The following FREM1 variants were observed in gnomAD, a reference collection of about 807,000 sequenced individuals.
The protein encoded by FREM1 is FRAS1 related extracellular matrix 1, also known as FRAS1-related extracellular matrix protein 1.
A neutral mutation model predicts 210.1 loss-of-function variants in FREM1; 220 were observed. The ratio of observed to expected loss-of-function variants is 1.05; its 90% CI spans 0.94 to 1.17. FREM1 has a LOEUF of 1.17. Among genes scored for constraint, FREM1 ranks in the 50% most tolerant of loss-of-function variants. The probability of loss-of-function intolerance (pLI) is 0.00; values close to 1 mark genes in which losing one functional copy is unlikely to be tolerated. For missense variants in FREM1, 3,454 were observed against 2,675.5 expected, an observed-to-expected ratio of 1.29 and a Z score of -6.42; for synonymous variants, 1,189 against 980.2, an observed-to-expected ratio of 1.21 and a Z score of -3.98.
chr9:14,795,444 A>C (rs1380949831), intron 21 of FREM1, among the ~76,000 whole-genome samples: 1 of 152,228 alleles, frequency 6.6e-6, no homozygotes, highest in Admixed American at 6.5e-5. Flanking sequence ...GGAGAGACTG[A>C]AGATACTGGA....
Position 14,812,956 on chromosome 9 carries a change from T to C in FREM1, c.2749A>G (p.Thr917Ala), listed in dbSNP as rs1245321625. The C allele has an allele frequency of 1.2e-6, 2 of 1,613,804 alleles. No individual in the cohort carries two copies. Among genetic ancestry groups the C allele is most frequent in the Middle Eastern group, 1.6e-4 (1 of 6,084 alleles). Residue 917 changes from threonine (T) to alanine (A), a missense_variant, in exon 16 of 37, where the codon ACT becomes GCT. By Grantham distance (58) the Thr-to-Ala change is moderately conservative. Coordinates refer to ENST00000380880, the MANE Select transcript of FREM1 (RefSeq NM_001379081.2). ...TTCAAGTTATCGCTGTCCACATCAG[T>C]AGCAAAAATGTATTCAGAGGTGATG... ...VVITSEYIFATDVDSDNLKLM... is the reference protein window; with the variant it reads ...VVITSEYIFAADVDSDNLKLM...
At chr9:14,842,816 G>T (rs1345491084) in intron 8 of FREM1, among the ~76,000 whole-genome samples, 156 bp from the exon 9 acceptor site, 2 of 152,190 alleles carry the variant, frequency 1.3e-5, no homozygotes, top group Non-Finnish European at 2.9e-5. Flanking sequence ...GGTTCTGGGA[G>T]AACATATCTA....
chr9:14,835,795 A>T (rs1824457735), intron 10 of FREM1, among the ~76,000 whole-genome samples: 1 of 152,248 alleles, frequency 6.6e-6, no homozygotes, highest in African/African-American at 2.4e-5. Flanking sequence ...CTATAAGACT[A>T]AAGTTTACTG....
Position 14,819,393 on chromosome 9 carries a change from C to T in FREM1, c.2387G>A (p.Ser796Asn). The stretch of plus-strand genomic sequence containing the variant: ...ATCAGAAATTAGAATGTGCTCTGTG[C>T]TGATGATGCTTTGACCTCCCTCAGT... Reference protein sequence around the residue: ...KVTEGGQSIISTEHILISDAD... With the variant: ...KVTEGGQSIINTEHILISDAD... The change falls in exon 14 of 37, where the codon AGC becomes AAC. Residue 796 changes from serine to asparagine, a missense_variant. Transcript: ENST00000380880. 1.2e-6 allele frequency: 2 copies of T among 1,613,538 alleles called. No individual in the cohort carries two copies. The highest frequency in any genetic ancestry group is 1.7e-6 in the Non-Finnish European group (2 of 1,179,606).
rs1392010478 is a variant in FREM1, at chr9:14,836,076, T to C, written c.1881+5371A>G. Reference sequence around the variant, plus strand: ...TAATGAAAAGTGAGTAAGGTGCCCATAACTCTGAGCTTTCTTTGTTTGGGA... The same window carrying C: ...TAATGAAAAGTGAGTAAGGTGCCCACAACTCTGAGCTTTCTTTGTTTGGGA... On this transcript the variant is annotated intron_variant, in intron 10 of 36. Coordinates refer to ENST00000380880, the MANE Select transcript of FREM1 (RefSeq NM_001379081.2). The surrounding 1 kb of genome is among the most constrained non-coding windows in gnomAD (Gnocchi z 4.9). Among the ~76,000 whole-genome samples the C allele has an allele frequency of 2.0e-5, 3 of 152,224 alleles. No individual in the cohort carries two copies. The highest frequency in any genetic ancestry group is 1.9e-4 in the East Asian group (1 of 5,194).
intron 1 of FREM1, among the ~76,000 whole-genome samples, chr9:14,873,792 C>T (rs1363222859): frequency 6.6e-6 from 1 of 152,032 alleles, no homozygotes. Flanking sequence ...CCTGCTTTCT[C>T]TTGTGGGCAT....
chr9:14,770,868 G>T, intron 25 of FREM1, 62 bp from the exon 26 acceptor site: 1 of 1,213,056 alleles, frequency 8.2e-7, no homozygotes. Context: ...TGCAACGTTG[G>T]GCTTTATTGG....
chr9:14,737,992 C>T (rs911351692), intron 36 of FREM1, among the ~76,000 whole-genome samples: 1 of 152,172 alleles, frequency 6.6e-6, no homozygotes, highest in Non-Finnish European at 1.5e-5. Context: ...TGCAGAACTC[C>T]TATCACAGGG....
intron 6 of FREM1, 148 bp from the exon 7 acceptor site, chr9:14,848,921 G>T: frequency 6.4e-6 from 3 of 466,550 alleles, no homozygotes; most frequent in African/African-American, 1.9e-5. Flanking sequence ...TAGACATCCT[G>T]ATTTGACTTT....
intron 1 of FREM1, among the ~76,000 whole-genome samples, chr9:14,902,697 C>G (rs1289336554): frequency 6.6e-6 from 1 of 152,272 alleles, no homozygotes; most frequent in Non-Finnish European, 1.5e-5. Context: ...TTGGTTCCAT[C>G]TGAGGTTTTT....
At chr9:14,825,208 C>T (rs1822108248) in intron 10 of FREM1, among the ~76,000 whole-genome samples, 1 of 151,768 alleles carries the variant, frequency 6.6e-6, no homozygotes, top group African/African-American at 2.4e-5. Flanking sequence ...TTATCACAGG[C>T]CAGGTGCAGG....
At chr9:14,789,168 G>T in intron 22 of FREM1, 54 bp from the exon 23 acceptor site, 1 of 1,202,358 alleles carries the variant, frequency 8.3e-7, no homozygotes, top group Non-Finnish European at 1.2e-6. Flanking sequence ...TTCCCCCAAC[G>T]TACGTTAGTG....
intron 10 of FREM1, among the ~76,000 whole-genome samples, chr9:14,828,513 T>C (rs1327245080): frequency 6.6e-6 from 1 of 152,030 alleles, no homozygotes; most frequent in Non-Finnish European, 1.5e-5. Context: ...ATTTAGTACA[T>C]AAATATGTAC....
intron 1 of FREM1, among the ~76,000 whole-genome samples, chr9:14,892,172 G>C (rs1178830181): frequency 6.6e-6 from 1 of 151,998 alleles, no homozygotes; most frequent in African/African-American, 2.4e-5. Flanking sequence ...CTACAGAAGG[G>C]ACAATACTGA....
intron 21 of FREM1, among the ~76,000 whole-genome samples, chr9:14,796,721 T>A (rs1852463960): frequency 6.6e-6 from 1 of 152,168 alleles, no homozygotes; most frequent in African/African-American, 2.4e-5. Context: ...TGGGCACTTG[T>A]TTTTCTCTCT....
chr9:14,868,660 A>T, intron 2 of FREM1, 84 bp downstream of exon 2: 1 of 872,602 alleles, frequency 1.1e-6, no homozygotes, highest in African/African-American at 1.7e-5. Flanking sequence ...GAGACATTTT[A>T]CATCTGTTCT....
At chr9:14,771,159 T>A (rs10961696) in intron 25 of FREM1, among the ~76,000 whole-genome samples, 29,624 of 152,106 alleles carry the variant, frequency 0.19, 3,467 homozygotes, top group Middle Eastern at 0.32. Flanking sequence ...GCCCAGGGAA[T>A]GTCTATTAAA....
At chr9:14,883,311 A>T (rs1835156147) in intron 1 of FREM1, among the ~76,000 whole-genome samples, 1 of 152,198 alleles carries the variant, frequency 6.6e-6, no homozygotes, top group Non-Finnish European at 1.5e-5. Context: ...AATCAAACAA[A>T]ACTCATCCTT....
chr9:14,862,017 GTTAT>G (rs1167760100), intron 3 of FREM1, among the ~76,000 whole-genome samples: 3 of 152,166 alleles, frequency 2.0e-5, no homozygotes, highest in Admixed American at 6.6e-5. Flanking sequence ...GTTCTTTGAA[GTTAT>G]TTGTTTTTTA....
Sources: allele counts gnomAD v4.1 joint callset (sites outside exome capture counted in the v4.1 genomes callset), GRCh38; gene constraint gnomAD v4.1.1; non-coding constraint Gnocchi (gnomAD v3.1); transcripts MANE v1.5; gene names NCBI Gene and HGNC (gene_info 2026-07-23, HGNC 2026-07-21).